The following PLEKHD1 variants were observed in gnomAD, a reference collection of about 807,000 sequenced individuals.
PLEKHD1 encodes the protein pleckstrin homology domain-containing family D member 1.
In PLEKHD1, 51 loss-of-function variants were observed where a neutral mutation model predicts 69.2. The observed-to-expected ratio is 0.74, with a 90% CI of 0.59 to 0.93. The LOEUF (loss-of-function observed/expected upper bound fraction) is 0.93. PLEKHD1 is among the 40% of genes least tolerant of loss of function. PLEKHD1 has a pLI of 0.00. For missense variants in PLEKHD1, 584 were observed against 641.0 expected, an observed-to-expected ratio of 0.91 and a Z score of 0.96; for synonymous variants, 236 against 244.7, an observed-to-expected ratio of 0.96 and a Z score of 0.33.
In PLEKHD1 at chr14:69,528,495, A is replaced by T. The variant is rs1883716462; in HGVS notation, c.*76A>T. 1.4e-6 allele frequency: 2 copies of T among 1,475,674 alleles called. No homozygotes were observed. Among genetic ancestry groups the T allele is most frequent in the African/African-American group, 2.8e-5 (2 of 71,622 alleles). The allele number at this position is 1,475,674 out of a possible 1,614,324, so 91.4% of individuals were successfully genotyped here. A position where few individuals can be genotyped will look rare whatever the true frequency, so the allele number is the denominator to read the frequency against. On this transcript the variant is annotated 3_prime_UTR_variant, in exon 13 of 13. Coordinates refer to ENST00000322564, the MANE Select transcript of PLEKHD1 (RefSeq NM_001161498.2). ...GGAAGGGGTGGCAGAGGGAGGCCTC[A>T]CTCTACCAGCTCCTGGCCTCTCTGG...
intron 7 of PLEKHD1, among the ~76,000 whole-genome samples, chr14:69,523,340 T>A (rs977037306): frequency 6.6e-6 from 1 of 152,194 alleles, no homozygotes; most frequent in Non-Finnish European, 1.5e-5. Flanking sequence ...ATCCTCATCC[T>A]CATCATTATC....
chr14:69,522,506 T>C, intron 7 of PLEKHD1, 129 bp downstream of exon 7: 1 of 994,252 alleles, frequency 1.0e-6, no homozygotes, highest in South Asian at 1.6e-5. Flanking sequence ...CTTGGGTCTA[T>C]CCCAGTTTGA....
upstream of PLEKHD1, among the ~76,000 whole-genome samples, chr14:69,480,663 C>G (rs11844827): frequency 5.4e-5 from 8 of 148,368 alleles, no homozygotes; most frequent in South Asian, 1.7e-3. Flanking sequence ...TTTTTTTTTT[C>G]TTTTTTGAGA....
At chr14:69,502,755 C>T in intron 5 of PLEKHD1, 72 bp from the exon 6 acceptor site, 3 of 1,539,790 alleles carry the variant, frequency 1.9e-6, no homozygotes, top group Non-Finnish European at 2.6e-6. Context: ...ACCTCAGGCA[C>T]CAGCTCCCTC....
At chr14:69,488,850 C>T (rs1269835573) in intron 1 of PLEKHD1, among the ~76,000 whole-genome samples, 2 of 152,202 alleles carry the variant, frequency 1.3e-5, no homozygotes, top group East Asian at 3.9e-4. Context: ...AACTGAGGCA[C>T]AGAGGCAGGG....
intron 8 of PLEKHD1, among the ~76,000 whole-genome samples, chr14:69,525,103 T>C (rs1883612906): frequency 6.6e-6 from 1 of 152,186 alleles, no homozygotes; most frequent in Non-Finnish European, 1.5e-5. Flanking sequence ...AGGTATCTAC[T>C]CTGAGCTCTT....
upstream of PLEKHD1, among the ~76,000 whole-genome samples, chr14:69,482,070 A>G (rs1017925167): frequency 6.6e-6 from 1 of 152,060 alleles, no homozygotes; most frequent in African/African-American, 2.4e-5. Context: ...GGTTGATCAA[A>G]CTCCAGCTGT....
intron 11 of PLEKHD1, 40 bp downstream of exon 11, chr14:69,527,372 C>G: frequency 6.4e-7 from 1 of 1,550,408 alleles, no homozygotes. Context: ...AGCTTTGGCA[C>G]TCAGCCCCAG....
At chr14:69,517,994 TTTTA>T (rs572500099) in intron 6 of PLEKHD1, among the ~76,000 whole-genome samples, 6,077 of 126,826 alleles carry the variant, frequency 0.048, 148 homozygotes, top group East Asian at 0.11. Context: ...CCTGATCTGA[TTTTA>T]TTTATTTATT....
chr14:69,508,705 G>T (rs1272401324), intron 6 of PLEKHD1, among the ~76,000 whole-genome samples: 2 of 152,202 alleles, frequency 1.3e-5, no homozygotes, highest in Non-Finnish European at 2.9e-5. Context: ...GGCACCTCAC[G>T]GACAAGTGCC....
chr14:69,516,203 C>T (rs1229840124), intron 6 of PLEKHD1, among the ~76,000 whole-genome samples: 4 of 152,128 alleles, frequency 2.6e-5, no homozygotes, highest in Admixed American at 6.5e-5. Flanking sequence ...GAAGTTCTTC[C>T]GTTCTCTTTC....
Position 69,512,381 on chromosome 14 carries a change from A to T in PLEKHD1, c.555+9502A>T, listed in dbSNP as rs1160302504. ...TTTTCTGTGTTGATTTCCTGTTTTC[A>T]ATTTCATTGATTTCTGCTCTGTTTT... On this transcript the variant is annotated intron_variant, in intron 6 of 12. Transcript: ENST00000322564. 3.3e-5 allele frequency among the ~76,000 whole-genome samples: 5 copies of T among 150,892 alleles called. No homozygotes were observed. The East Asian group carries it at 9.6e-4, about 29-fold the overall frequency.
At chr14:69,474,738 C>T in the PLEKHD1 span, among the ~76,000 whole-genome samples, 1 of 152,214 alleles carries the variant, frequency 6.6e-6, no homozygotes, top group Non-Finnish European at 1.5e-5. Context: ...CTTTGCTCCA[C>T]CGGGTGTGCG....
intron 1 of PLEKHD1, among the ~76,000 whole-genome samples, chr14:69,498,592 T>TCTTCTCTTCTCTTCTCTTCC (rs1309488806): frequency 2.3e-4 from 16 of 70,722 alleles, no homozygotes; most frequent in Admixed American, 1.3e-3. Context: ...TTTTGTTTTC[T>TCTTCTCTTCTCTTCTCTTCC]CTTCTCTTCT....
intron 6 of PLEKHD1, among the ~76,000 whole-genome samples, chr14:69,519,108 A>G (rs1228775550): frequency 6.6e-6 from 1 of 152,094 alleles, no homozygotes; most frequent in Non-Finnish European, 1.5e-5. Flanking sequence ...GAGATTTTGG[A>G]GGGGAATTTT....
intron 6 of PLEKHD1, chr14:69,503,690 C>CAAAAAAAA (rs1164078389): frequency 2.2e-5 from 1 of 45,978 alleles, no homozygotes. Context: ...GACTCCGTCT[C>CAAAAAAAA]AAAAAAAAAA....
At position 69,526,049 on chromosome 14, in the gene PLEKHD1, C is replaced by T. The variant is rs546250416; in HGVS notation, c.850C>T (p.Leu284Phe). 9.7e-6 allele frequency: 15 copies of T among 1,551,626 alleles called. No individual in the cohort carries two copies. The highest frequency in any genetic ancestry group is 1.2e-5 in the Non-Finnish European group (14 of 1,146,988). ...QSEQPPPSGG[L>F]HSNLRQIEEK... The stretch of plus-strand genomic sequence containing the variant: ...TGAGCAGCCCCCTCCCAGTGGGGGC[C>T]TCCATAGCAACCTCCGGCAGATCGA... Residue 284 changes from leucine (L) to phenylalanine (F), a missense_variant, in exon 9 of 13, where the codon CTC becomes TTC. Coordinates refer to ENST00000322564, the MANE Select transcript of PLEKHD1 (RefSeq NM_001161498.2).
intron 6 of PLEKHD1, among the ~76,000 whole-genome samples, chr14:69,514,445 C>T (rs1388916861): frequency 6.6e-6 from 1 of 152,152 alleles, no homozygotes; most frequent in African/African-American, 2.4e-5. Flanking sequence ...TTTCATCTCT[C>T]TACTTATATT....
upstream of PLEKHD1, among the ~76,000 whole-genome samples, chr14:69,480,609 A>T (rs1361499198): frequency 6.6e-6 from 1 of 152,078 alleles, no homozygotes; most frequent in Non-Finnish European, 1.5e-5. Context: ...TTTCCTGCCC[A>T]TTCCTGGTTT....
Sources: gnomAD v4.1 joint callset for allele counts (sites outside exome capture counted in the v4.1 genomes callset) on GRCh38, gnomAD v4.1.1 for gene constraint, MANE v1.5 for transcripts, NCBI Gene and HGNC (gene_info 2026-07-23, HGNC 2026-07-21) for gene names.